DCHS2: variants seen among roughly 807,000 people sequenced by gnomAD.
DCHS2 encodes dachsous cadherin-related 2, also known as protocadherin-23.
In DCHS2, 142 loss-of-function variants were observed where a neutral mutation model predicts 182.4. That is an observed-to-expected ratio of 0.78 (90% CI 0.68 to 0.89). DCHS2 has a LOEUF of 0.89. DCHS2 is among the 40% of genes least tolerant of loss of function. The pLI is 0.00. For synonymous variants in DCHS2, 1,740 were observed against 1,663.3 expected (o/e 1.05, Z -1.12); for missense variants, 4,319 against 4,198.6 (o/e 1.03, Z -0.79).
chr4:154,259,948 G>A (rs1159205851), intron 14 of DCHS2, among the ~76,000 whole-genome samples, 192 bp from the exon 15 acceptor site: 1 of 152,034 alleles, frequency 6.6e-6, no homozygotes, highest in Non-Finnish European at 1.5e-5. Context: ...TCAGCCTCCT[G>A]AGTAGTTGGA....
chr4:154,305,320 G>A (rs1357629900), intron 10 of DCHS2, 89 bp from the exon 11 acceptor site: 5 of 1,414,252 alleles, frequency 3.5e-6, no homozygotes, highest in East Asian at 5.1e-5. Flanking sequence ...GAACATGTTA[G>A]GCCATAGATG....
chr4:154,295,792 C>G (rs1046569891), intron 13 of DCHS2, among the ~76,000 whole-genome samples: 6 of 152,092 alleles, frequency 3.9e-5, no homozygotes, highest in African/African-American at 1.4e-4. Context: ...AGAGGCCGAC[C>G]CACTCAACTA....
At chr4:154,287,333 TA>T (rs1734448657) in intron 13 of DCHS2, among the ~76,000 whole-genome samples, 1 of 152,162 alleles carries the variant, frequency 6.6e-6, no homozygotes, top group Non-Finnish European at 1.5e-5. Context: ...CTGTGGTGTG[TA>T]AACTATTCTT....
chr4:154,286,410 CAG>C (rs1303121921), intron 13 of DCHS2, among the ~76,000 whole-genome samples: 1 of 152,012 alleles, frequency 6.6e-6, no homozygotes, highest in East Asian at 1.9e-4. Flanking sequence ...ACCTTTCAGA[CAG>C]AGAATTCAAA....
chr4:154,395,659 A>T (rs1201043516), intron 1 of DCHS2, among the ~76,000 whole-genome samples: 1 of 152,212 alleles, frequency 6.6e-6, no homozygotes, highest in Admixed American at 6.5e-5. Flanking sequence ...ACTTTAAATA[A>T]TGAGTTAAAG....
rs868582579 is a variant in DCHS2 at position 154,320,457 on chromosome 4, C to T, written c.4942G>A (p.Glu1648Lys). The T allele has an allele frequency of 6.2e-7, 1 of 1,614,078 alleles. No individual in the cohort carries two copies. The highest frequency in any genetic ancestry group is 1.1e-5 in the South Asian group (1 of 91,078). ...TATGTTACTTTTCCATTCCTTCCTT[C>T]GTCTGGATCGTGAGCAGTTATGTGG... ...VHHITAHDPD[E>K]GRNGKVTYSI... Residue 1648 changes from glutamate (E) to lysine (K), a missense_variant, in exon 9 of 20, where the codon GAA (glutamate) becomes AAA (lysine). Transcript: ENST00000357232.
chr4:154,276,819 G>C (rs1733873196), intron 13 of DCHS2, among the ~76,000 whole-genome samples: 1 of 152,174 alleles, frequency 6.6e-6, no homozygotes, highest in Admixed American at 6.5e-5. Flanking sequence ...CACCAGGCAA[G>C]CTCAAAACCA....
At position 154,366,359 on chromosome 4, in the gene DCHS2, T is replaced by C. The variant is rs1730359573; in HGVS notation, c.2327A>G (p.Tyr776Cys). 1 of 1,613,858 alleles carries C rather than the reference T, an allele frequency of 6.2e-7. No homozygotes were observed. The highest frequency in any genetic ancestry group is 8.5e-7 in the Non-Finnish European group (1 of 1,179,900). ...DNHPVFNPST[Y>C]VTSISDETQP... is the part of the protein sequence containing the mutation. ...GGTCTCATCACTGATGCTCGTCACA[T>C]AGGTTGATGGGTTAAACACAGGATG... The change falls in exon 3 of 20, where the codon TAT (tyrosine) becomes TGT (cysteine). Residue 776 changes from tyrosine (Y) to cysteine (C), a missense_variant. Physicochemically the swap from Tyr to Cys is radical, Grantham distance 194 (BLOSUM62 -2). Coordinates refer to ENST00000357232, the MANE Select transcript of DCHS2 (RefSeq NM_001358235.2).
intron 1 of DCHS2, chr4:154,486,479 T>C: frequency 7.7e-7 from 1 of 1,304,776 alleles, no homozygotes; most frequent in African/African-American, 1.5e-5. Flanking sequence ...TTTCCTTTTG[T>C]TTTTGTTTGA....
intron 2 of DCHS2, among the ~76,000 whole-genome samples, chr4:154,376,364 A>C (rs1730892746): frequency 6.6e-6 from 1 of 152,180 alleles, no homozygotes. Context: ...GAAATACATC[A>C]AATTTTTTAA....
intron 2 of DCHS2, among the ~76,000 whole-genome samples, chr4:154,367,720 C>A (rs576340228): frequency 5.9e-5 from 9 of 152,260 alleles, no homozygotes; most frequent in African/African-American, 2.2e-4. Context: ...CCCTCTTCAT[C>A]TTTTTTGTTT....
rs747146609 is a variant in DCHS2 at position 154,333,352 on chromosome 4, C to A, written c.2856G>T (p.Ala952=). Residue 952 remains alanine (A), a synonymous_variant, in exon 5 of 20, where the codon GCG becomes GCT. Coordinates refer to ENST00000357232, the MANE Select transcript of DCHS2 (RefSeq NM_001358235.2). ...TQPVVVLTVQ[A]QLGSAPACSS... is the part of the protein sequence containing the mutation. ...TGCAGGCTGGGGCGCTGCCGAGCTG[C>A]GCCTGCACCGTGAGCACAACCACGG... 6.2e-7 allele frequency: 1 copy of A among 1,614,162 alleles called. No individual in the cohort carries two copies. The highest frequency in any genetic ancestry group is 1.1e-5 in the South Asian group (1 of 91,084).
chr4:154,453,178 C>G (rs1367084438), intron 1 of DCHS2, among the ~76,000 whole-genome samples: 1 of 151,956 alleles, frequency 6.6e-6, no homozygotes, highest in African/African-American at 2.4e-5. Flanking sequence ...GCTGGAGCTC[C>G]TGAAGGAAGC....
At chr4:154,359,289 T>C (rs1482029960) in intron 3 of DCHS2, among the ~76,000 whole-genome samples, 1 of 152,024 alleles carries the variant, frequency 6.6e-6, no homozygotes, top group Non-Finnish European at 1.5e-5. Context: ...AATCAAAAAA[T>C]GTTTTGAACA....
chr4:154,361,726 A>AAAC (rs1730131452), intron 3 of DCHS2, among the ~76,000 whole-genome samples: 1 of 152,136 alleles, frequency 6.6e-6, no homozygotes, highest in Admixed American at 6.6e-5. Context: ...CCACAAGAGA[A>AAAC]AACAACCATG....
At chr4:154,241,008 A>T (rs894936454) in intron 17 of DCHS2, among the ~76,000 whole-genome samples, 185 bp from the exon 18 acceptor site, 1 of 152,202 alleles carries the variant, frequency 6.6e-6, no homozygotes, top group African/African-American at 2.4e-5. Flanking sequence ...GAGACCAATA[A>T]AAGTGAAAAT....
chr4:154,307,283 C>T (rs1240618292), intron 10 of DCHS2, among the ~76,000 whole-genome samples: 2 of 152,172 alleles, frequency 1.3e-5, no homozygotes, highest in African/African-American at 4.8e-5. Flanking sequence ...TATCACCTCA[C>T]TGAGCAAATT....
At chr4:154,281,877 T>C (rs1473988515) in intron 13 of DCHS2, among the ~76,000 whole-genome samples, 1 of 152,136 alleles carries the variant, frequency 6.6e-6, no homozygotes, top group African/African-American at 2.4e-5. Flanking sequence ...TAAACCCACA[T>C]GTATATGATC....
At chr4:154,396,364 A>G (rs1182398767) in intron 1 of DCHS2, among the ~76,000 whole-genome samples, 1 of 152,118 alleles carries the variant, frequency 6.6e-6, no homozygotes, top group African/African-American at 2.4e-5. Context: ...TTCTGCCCAG[A>G]AAAGAGAGGC....
Sources: allele counts gnomAD v4.1 joint callset (sites outside exome capture counted in the v4.1 genomes callset), GRCh38; gene constraint gnomAD v4.1.1; transcripts MANE v1.5; gene names NCBI Gene and HGNC (gene_info 2026-07-23, HGNC 2026-07-21).